Variants in CDK14 observed in about 807,000 individuals in gnomAD.
The protein encoded by CDK14 is cyclin-dependent kinase 14.
In CDK14, 34 loss-of-function variants were observed where a neutral mutation model predicts 60.7. The ratio of observed to expected loss-of-function variants is 0.56; its 90% confidence interval spans 0.43 to 0.75. The LOEUF (loss-of-function observed/expected upper bound fraction) is 0.75. Ranked by LOEUF, CDK14 falls within the 30% of genes least tolerant of loss-of-function variation. CDK14 has a pLI of 0.00. For missense variants in CDK14, 482 were observed against 564.1 expected (o/e 0.85, Z 1.47); for synonymous variants, 197 against 203.7 (o/e 0.97, Z 0.28).
intron 8 of CDK14, among the ~76,000 whole-genome samples, chr7:90,940,681 G>T (rs1041960820): frequency 1.2e-4 from 18 of 152,148 alleles, no homozygotes; most frequent in Admixed American, 5.9e-4. Context: ...AGCTACTTAG[G>T]AGGCTGAGGT....
intron 2 of CDK14, chr7:90,666,245 A>G (rs1191154664): frequency 2.0e-5 from 3 of 152,196 alleles, no homozygotes; most frequent in Non-Finnish European, 4.4e-5. Context: ...CCCAGCTCAG[A>G]TATCTTTTCT....
chr7:90,825,115 A>G (rs1357036662), intron 5 of CDK14, among the ~76,000 whole-genome samples: 3 of 152,228 alleles, frequency 2.0e-5, no homozygotes, highest in South Asian at 2.1e-4. Flanking sequence ...CTTGAGACCT[A>G]TTCATAAAGA....
chr7:91,088,569 A>ATG (rs35277214), intron 12 of CDK14, among the ~76,000 whole-genome samples: 25,966 of 149,542 alleles, frequency 0.17, 2,388 homozygotes, highest in East Asian at 0.28. Context: ...GTTTATATAT[A>ATG]TGTGTGTGTG....
At chr7:91,165,465 T>TG (rs2115767539) in intron 14 of CDK14, among the ~76,000 whole-genome samples, 1 of 150,858 alleles carries the variant, frequency 6.6e-6, no homozygotes, top group African/African-American at 2.5e-5. Flanking sequence ...GTGGGGCCTC[T>TG]GGTTCCCTTT....
At chr7:91,033,136 G>A (rs1032267020) in intron 10 of CDK14, among the ~76,000 whole-genome samples, 2 of 152,130 alleles carry the variant, frequency 1.3e-5, no homozygotes, top group African/African-American at 4.8e-5. Flanking sequence ...GATGAATTGA[G>A]CATTTTTATT....
chr7:90,998,263 A>T (rs1179193341), intron 10 of CDK14, among the ~76,000 whole-genome samples: 1 of 152,250 alleles, frequency 6.6e-6, no homozygotes, highest in Non-Finnish European at 1.5e-5. Flanking sequence ...ATGCTATTAT[A>T]TGAGAAATCT....
intron 14 of CDK14, among the ~76,000 whole-genome samples, chr7:91,134,322 C>T (rs1197387105): frequency 1.3e-5 from 2 of 152,110 alleles, no homozygotes; most frequent in East Asian, 1.9e-4. Context: ...TATCACTTCA[C>T]CTCATCCCCT....
At chr7:91,097,683 T>C (rs1373273134) in intron 12 of CDK14, among the ~76,000 whole-genome samples, 1 of 152,118 alleles carries the variant, frequency 6.6e-6, no homozygotes, top group African/African-American at 2.4e-5. Context: ...GGGCTCTGCC[T>C]CACTTGCTGT....
chr7:91,146,777 A>G (rs2059016660), intron 14 of CDK14, among the ~76,000 whole-genome samples: 1 of 152,186 alleles, frequency 6.6e-6, no homozygotes, highest in Non-Finnish European at 1.5e-5. Context: ...TTGCCATTCT[A>G]CAAATTTTTC....
At chr7:90,731,219 T>C (rs558398110) in intron 3 of CDK14, among the ~76,000 whole-genome samples, 41 of 152,322 alleles carry the variant, frequency 2.7e-4, no homozygotes, top group African/African-American at 9.6e-4. Context: ...TATATATCTG[T>C]TTTTGTACCA....
intron 9 of CDK14, among the ~76,000 whole-genome samples, chr7:90,973,465 G>A (rs755716466): frequency 6.6e-6 from 1 of 152,114 alleles, no homozygotes; most frequent in Non-Finnish European, 1.5e-5. Context: ...AATCTAGGCA[G>A]TGTTTTCTGA....
At chr7:90,704,256 A>G (rs552089756) in intron 2 of CDK14, among the ~76,000 whole-genome samples, 7 of 152,342 alleles carry the variant, frequency 4.6e-5, no homozygotes, top group African/African-American at 1.7e-4. Flanking sequence ...TTCCCTTGCT[A>G]TAGCTCTAGC....
At chr7:90,980,911 G>C (rs1023819428) in intron 9 of CDK14, among the ~76,000 whole-genome samples, 1 of 152,138 alleles carries the variant, frequency 6.6e-6, no homozygotes, top group African/African-American at 2.4e-5. Context: ...CACAAGTAGT[G>C]CTAAAATAAA....
intron 3 of CDK14, among the ~76,000 whole-genome samples, chr7:90,737,578 C>T (rs139571160): frequency 1.3e-3 from 200 of 152,272 alleles, no homozygotes; most frequent in African/African-American, 4.6e-3. Flanking sequence ...TGTTTGGATC[C>T]ATACCTCTGC....
chr7:90,713,627 C>CT (rs34802725), intron 2 of CDK14, among the ~76,000 whole-genome samples: 30,190 of 133,724 alleles, frequency 0.23, 3,460 homozygotes, highest in Middle Eastern at 0.28. Context: ...TTTGGAAGTA[C>CT]TTTTTTTTTT....
chr7:90,732,617 T>G (rs1340582895), intron 3 of CDK14, among the ~76,000 whole-genome samples: 1 of 152,236 alleles, frequency 6.6e-6, no homozygotes, highest in Non-Finnish European at 1.5e-5. Context: ...GATTTTTTAG[T>G]TTATTTGCAT....
intron 11 of CDK14, among the ~76,000 whole-genome samples, chr7:91,057,343 G>A (rs901744994): frequency 2.0e-5 from 3 of 152,000 alleles, no homozygotes; most frequent in East Asian, 1.9e-4. Flanking sequence ...AATTTTCTCC[G>A]ATGCTGTAGG....
intron 10 of CDK14, among the ~76,000 whole-genome samples, chr7:90,992,597 G>A (rs1375102258): frequency 6.6e-6 from 1 of 152,184 alleles, no homozygotes; most frequent in East Asian, 1.9e-4. Flanking sequence ...ATGTTCTGGG[G>A]AGTTTTCTCT....
chr7:90,798,188 A>ATTTT (rs10617120), intron 5 of CDK14, among the ~76,000 whole-genome samples: 1 of 146,962 alleles, frequency 6.8e-6, no homozygotes. Context: ...CTTCTGAGTG[A>ATTTT]TTTTTTTTTT....
Sources: gnomAD v4.1 joint callset for allele counts (sites outside exome capture counted in the v4.1 genomes callset) on GRCh38, gnomAD v4.1.1 for gene constraint, MANE v1.5 for transcripts, NCBI Gene and HGNC (gene_info 2026-07-23, HGNC 2026-07-21) for gene names.